The following NCOA1 variants were observed in gnomAD, a reference collection of about 807,000 sequenced individuals.
NCOA1 encodes the protein nuclear receptor coactivator 1.
NCOA1 carries 35 observed loss-of-function variants against 150.9 expected under a neutral mutation model. The observed-to-expected ratio is 0.23, with a 90% CI of 0.18 to 0.31. NCOA1 has a LOEUF of 0.31. Ranked by LOEUF, NCOA1 falls within the 10% of genes least tolerant of loss-of-function variation. The pLI is 1.00. For missense variants in NCOA1, 1,491 were observed against 1,749.3 expected, an observed-to-expected ratio of 0.85 and a Z score of 2.63; for synonymous variants, 590 against 630.0, an observed-to-expected ratio of 0.94 and a Z score of 0.95.
intron 6 of NCOA1, among the ~76,000 whole-genome samples, chr2:24,666,628 A>G (rs1370552898): frequency 1.6e-5 from 2 of 127,912 alleles, no homozygotes; most frequent in African/African-American, 5.1e-5. Context: ...TCTTCTCTGA[A>G]AAAACCCGGA....
chr2:24,665,110 G>C (rs915962167), intron 5 of NCOA1, among the ~76,000 whole-genome samples: 2 of 151,894 alleles, frequency 1.3e-5, no homozygotes, highest in African/African-American at 2.4e-5. Flanking sequence ...GTTTGATTTT[G>C]TTTATTGCAT....
chr2:24,506,476 T>A (rs1487642440), intron 1 of NCOA1, among the ~76,000 whole-genome samples: 2 of 152,160 alleles, frequency 1.3e-5, no homozygotes, highest in Non-Finnish European at 2.9e-5. Flanking sequence ...CATTGAAGGC[T>A]ATAGAACTTT....
intron 1 of NCOA1, among the ~76,000 whole-genome samples, chr2:24,495,350 G>C (rs1052404451): frequency 6.6e-6 from 1 of 152,024 alleles, no homozygotes; most frequent in Non-Finnish European, 1.5e-5. Context: ...GGAGTGATAG[G>C]CTTTTAGAAA....
At chr2:24,629,407 CA>C (rs1669577895) in intron 3 of NCOA1, among the ~76,000 whole-genome samples, 1 of 148,938 alleles carries the variant, frequency 6.7e-6, no homozygotes, top group African/African-American at 2.5e-5. Flanking sequence ...TGCCTTTTTT[CA>C]AAAGGAGCAG....
chr2:24,709,559 AT>A (rs1309111818), intron 13 of NCOA1, among the ~76,000 whole-genome samples: 3 of 152,062 alleles, frequency 2.0e-5, no homozygotes, highest in Non-Finnish European at 4.4e-5. Context: ...TGAGTCCTTT[AT>A]TGGACATATA....
At chr2:24,507,435 G>GTTTTTTTTTT (rs10651704) in intron 1 of NCOA1, among the ~76,000 whole-genome samples, 13 of 126,500 alleles carry the variant, frequency 1.0e-4, no homozygotes, top group Non-Finnish European at 1.6e-4. Flanking sequence ...GAGCTGCTGG[G>GTTTTTTTTTT]TTTTTTTTTT....
intron 1 of NCOA1, among the ~76,000 whole-genome samples, chr2:24,537,514 C>CTG (rs1407672786): frequency 3.8e-4 from 58 of 151,494 alleles, no homozygotes; most frequent in African/African-American, 1.4e-3. Context: ...CTCTCTCTCT[C>CTG]TGTATATATA....
chr2:24,710,947 A>T lies in NCOA1; in HGVS notation c.2435A>T (p.Asp812Val). The change falls in exon 14 of 23, where the codon GAC (aspartate) becomes GTC (valine). Residue 812 changes from aspartate (D) to valine (V), a missense_variant. Physicochemically the swap from Asp to Val is radical, Grantham distance 152. Around this residue, in one of 8 missense-constraint regions of NCOA1, gnomAD observed 703 missense variants for 717.7 expected, o/e 0.98. Coordinates refer to ENST00000348332, the MANE Select transcript of NCOA1 (RefSeq NM_003743.5). ...EAQSQFTADLDQFDQLLPTLE... is the reference protein window; with the variant it reads ...EAQSQFTADLVQFDQLLPTLE... ...CATTCTTAGTTTACAGCTGACCTTG[A>T]CCAGTTTGATCAGTTACTGCCCACG... 1 of 1,613,982 alleles carries T rather than the reference A, an allele frequency of 6.2e-7. No individual in the cohort carries two copies. The highest frequency in any genetic ancestry group is 2.2e-5 in the East Asian group (1 of 44,876).
At chr2:24,715,970 G>A (rs1026424730) in intron 14 of NCOA1, among the ~76,000 whole-genome samples, 6 of 151,978 alleles carry the variant, frequency 3.9e-5, no homozygotes, top group East Asian at 3.9e-4. Flanking sequence ...GTGAAACCCC[G>A]TCTCTACTAA....
intron 2 of NCOA1, among the ~76,000 whole-genome samples, chr2:24,569,233 A>G (rs1161081995): frequency 1.3e-5 from 2 of 152,196 alleles, no homozygotes; most frequent in Non-Finnish European, 2.9e-5. Context: ...AATAGCAGCA[A>G]TAGTATTTTG....
chr2:24,519,688 G>A (rs1664344372), intron 1 of NCOA1, among the ~76,000 whole-genome samples: 1 of 151,744 alleles, frequency 6.6e-6, no homozygotes, highest in African/African-American at 2.4e-5. Flanking sequence ...GGGTTAGGTG[G>A]TGCATGCCTA....
At chr2:24,510,760 C>T (rs1047844129) in intron 1 of NCOA1, among the ~76,000 whole-genome samples, 1 of 152,162 alleles carries the variant, frequency 6.6e-6, no homozygotes, top group African/African-American at 2.4e-5. Flanking sequence ...TTTTTGTACT[C>T]TGGGGACTTT....
At chr2:24,628,973 G>A (rs1420609793) in intron 3 of NCOA1, among the ~76,000 whole-genome samples, 1 of 152,154 alleles carries the variant, frequency 6.6e-6, no homozygotes, top group Non-Finnish European at 1.5e-5. Flanking sequence ...GTGTGCAGGG[G>A]AATAGATAAG....
intron 1 of NCOA1, among the ~76,000 whole-genome samples, chr2:24,553,571 T>C (rs987582430): frequency 1.3e-5 from 2 of 152,222 alleles, no homozygotes; most frequent in Non-Finnish European, 2.9e-5. Flanking sequence ...TTTCAGTCTG[T>C]TAATGTGGCG....
chr2:24,756,617 T>A (rs777696872), intron 20 of NCOA1, among the ~76,000 whole-genome samples: 15 of 152,198 alleles, frequency 9.9e-5, no homozygotes, highest in African/African-American at 3.6e-4. Context: ...TCTATAGAAT[T>A]AATATTAAAA....
rs961890741 is a variant in NCOA1 at position 24,752,013 on chromosome 2, T to A, written c.3738T>A (p.Ala1246=). ...GMVPQGEANF[A]PSLSPGSSMV... ...TTCCCCAAGGTGAGGCCAACTTTGCTCCATCTCTAAGCCCTGGGAGCTCCA... is the reference window on the plus strand; with the variant it reads ...TTCCCCAAGGTGAGGCCAACTTTGCACCATCTCTAAGCCCTGGGAGCTCCA... The change falls in exon 20 of 23, where the codon GCT becomes GCA. Residue 1246 remains alanine, a synonymous_variant. Transcript: ENST00000348332. The A allele has an allele frequency of 6.2e-7, 1 of 1,613,674 alleles. No individual in the cohort carries two copies. Among genetic ancestry groups the A allele is most frequent in the Non-Finnish European group, 8.5e-7 (1 of 1,179,770 alleles).
chr2:24,658,797 C>A (rs17046446), intron 5 of NCOA1, 31 bp downstream of exon 5: 65,974 of 1,596,338 alleles, frequency 0.041, 1,918 homozygotes, highest in East Asian at 0.15. Context: ...CTATTTTTGG[C>A]AGAGCTGCTT....
At chr2:24,513,320 T>C (rs1664013737) in intron 1 of NCOA1, among the ~76,000 whole-genome samples, 1 of 152,214 alleles carries the variant, frequency 6.6e-6, no homozygotes, top group Admixed American at 6.5e-5. Flanking sequence ...ATATTTGTTA[T>C]CTATATATAA....
At chr2:24,740,226 C>G (rs1326939314) in intron 18 of NCOA1, among the ~76,000 whole-genome samples, 1 of 152,124 alleles carries the variant, frequency 6.6e-6, no homozygotes, top group African/African-American at 2.4e-5. Context: ...GCAAATAAAG[C>G]CAGCACCTGT....
Sources: allele counts gnomAD v4.1 joint callset (sites outside exome capture counted in the v4.1 genomes callset), GRCh38; gene constraint gnomAD v4.1.1; regional missense constraint gnomAD v4.1.1; transcripts MANE v1.5; gene names NCBI Gene and HGNC (gene_info 2026-07-23, HGNC 2026-07-21).